FMNL2: variants seen among roughly 807,000 people sequenced by gnomAD.
The protein encoded by FMNL2 is formin like 2.
Under a neutral mutation model 130.2 loss-of-function variants are expected in FMNL2, and 51 were observed. The ratio of observed to expected loss-of-function variants is 0.39; its 90% CI spans 0.31 to 0.49. The LOEUF (loss-of-function observed/expected upper bound fraction) is 0.49. FMNL2 is among the 20% of genes least tolerant of loss of function. The pLI is 0.85. For synonymous variants in FMNL2, 465 were observed against 467.1 expected (o/e 1.00, Z 0.06); for missense variants, 977 against 1,316.2 (o/e 0.74, Z 3.99).
chr2:152,428,794 T>G (rs769970568), intron 1 of FMNL2, among the ~76,000 whole-genome samples: 1 of 152,182 alleles, frequency 6.6e-6, no homozygotes, highest in Non-Finnish European at 1.5e-5. Context: ...TGGATAGAGA[T>G]AGTTCGAGTG....
At chr2:152,557,815 G>C (rs957124481) in intron 4 of FMNL2, among the ~76,000 whole-genome samples, 7 of 152,204 alleles carry the variant, frequency 4.6e-5, no homozygotes, top group African/African-American at 1.7e-4. Context: ...GTGGAATGCA[G>C]GTGGCAGATG....
At chr2:152,524,574 G>A (rs1693279397) in intron 2 of FMNL2, among the ~76,000 whole-genome samples, 1 of 152,180 alleles carries the variant, frequency 6.6e-6, no homozygotes, top group African/African-American at 2.4e-5. Context: ...GGCAAATTTT[G>A]TAGTGTGAGC....
chr2:152,339,510 G>C (rs2105721833), intron 1 of FMNL2, among the ~76,000 whole-genome samples: 2 of 152,314 alleles, frequency 1.3e-5, no homozygotes, highest in Middle Eastern at 3.4e-3. Flanking sequence ...ACCCTTGGAT[G>C]CCTTTGTTGA....
intron 6 of FMNL2, among the ~76,000 whole-genome samples, chr2:152,568,015 A>G (rs1300317983): frequency 6.6e-6 from 1 of 152,216 alleles, no homozygotes; most frequent in Non-Finnish European, 1.5e-5. Flanking sequence ...GGTTAGTTCA[A>G]TTCAGGAAAC....
At chr2:152,422,260 G>A (rs1377891268) in intron 1 of FMNL2, among the ~76,000 whole-genome samples, 1 of 152,150 alleles carries the variant, frequency 6.6e-6, no homozygotes, top group Non-Finnish European at 1.5e-5. Context: ...GGATTCCCTC[G>A]TTCTGTGTTT....
At chr2:152,424,159 A>G (rs979076343) in intron 1 of FMNL2, among the ~76,000 whole-genome samples, 6 of 151,844 alleles carry the variant, frequency 4.0e-5, no homozygotes, top group African/African-American at 1.5e-4. Context: ...GAAAATGACC[A>G]CTCTAGTTTT....
rs1001627155 is a variant in FMNL2, at chr2:152,443,835, A to G, written c.118-78108A>G. On this transcript the variant is annotated intron_variant, in intron 1 of 25. Transcript: ENST00000288670. The stretch of plus-strand genomic sequence containing the variant: ...TCCAGCCTCGGCAACAGAGCGAGAG[A>G]CTCCATCCAAAAAGAAAAAAAGAAA... Among the ~76,000 whole-genome samples, 9 of 151,928 alleles carry G rather than the reference A, an allele frequency of 5.9e-5. No individual in the cohort carries two copies. In the East Asian group the frequency reaches 1.7e-3, roughly 29 times the overall value.
intron 1 of FMNL2, among the ~76,000 whole-genome samples, chr2:152,374,541 A>G (rs992761806): frequency 6.6e-5 from 10 of 152,188 alleles, no homozygotes; most frequent in African/African-American, 2.2e-4. Context: ...AAAAAGAGGT[A>G]TACATCAAAT....
At chr2:152,606,894 G>A (rs573570648) in intron 9 of FMNL2, among the ~76,000 whole-genome samples, 1 of 150,444 alleles carries the variant, frequency 6.6e-6, no homozygotes, top group Non-Finnish European at 1.5e-5. Context: ...TTTTGATTCA[G>A]TTATACATAT....
chr2:152,455,451 G>A (rs1688896618), intron 1 of FMNL2, among the ~76,000 whole-genome samples: 1 of 152,144 alleles, frequency 6.6e-6, no homozygotes, highest in Admixed American at 6.5e-5. Flanking sequence ...CAGGAGGGAG[G>A]AAAGCTCTTG....
chr2:152,504,948 T>C (rs1367271777), intron 1 of FMNL2, among the ~76,000 whole-genome samples: 2 of 152,186 alleles, frequency 1.3e-5, no homozygotes, highest in African/African-American at 4.8e-5. Context: ...AAAGCAAAGG[T>C]GAAACCAGCA....
chr2:152,625,675 T>G, intron 16 of FMNL2, 113 bp downstream of exon 16: 1 of 1,249,164 alleles, frequency 8.0e-7, no homozygotes, highest in South Asian at 1.7e-5. Context: ...TTAAGTCCCC[T>G]GATGTAAAGA....
chr2:152,479,074 C>T (rs574650688), intron 1 of FMNL2, among the ~76,000 whole-genome samples: 2 of 151,926 alleles, frequency 1.3e-5, no homozygotes, highest in Admixed American at 1.3e-4. Flanking sequence ...TTTTAGAAAA[C>T]CTTCATTTTC....
chr2:152,369,832 T>C (rs567862160), intron 1 of FMNL2, among the ~76,000 whole-genome samples: 4 of 152,230 alleles, frequency 2.6e-5, no homozygotes, highest in African/African-American at 9.7e-5. Context: ...GGGGAAGGCA[T>C]TTATAGCATA....
chr2:152,560,018 C>T (rs1332826546), intron 5 of FMNL2, among the ~76,000 whole-genome samples: 1 of 152,188 alleles, frequency 6.6e-6, no homozygotes, highest in Non-Finnish European at 1.5e-5. Flanking sequence ...TAAAAAGTTA[C>T]ACTTTGATTT....
At chr2:152,624,242 C>T (rs973124048) in intron 15 of FMNL2, among the ~76,000 whole-genome samples, 1 of 151,468 alleles carries the variant, frequency 6.6e-6, no homozygotes, top group African/African-American at 2.4e-5. Context: ...ACTGCAACCT[C>T]TGCCTCCCGG....
At chr2:152,440,164 A>G (rs1260012616) in intron 1 of FMNL2, among the ~76,000 whole-genome samples, 1 of 152,164 alleles carries the variant, frequency 6.6e-6, no homozygotes, top group African/African-American at 2.4e-5. Context: ...TATGTTGCCC[A>G]GGCTGGTCTG....
At chr2:152,624,032 ATTCCT>A (rs1460273570) in intron 15 of FMNL2, among the ~76,000 whole-genome samples, 2 of 104,932 alleles carry the variant, frequency 1.9e-5, no homozygotes, top group Non-Finnish European at 3.7e-5. Flanking sequence ...AATCCATACA[ATTCCT>A]TCCCTTCCCT....
intron 1 of FMNL2, among the ~76,000 whole-genome samples, chr2:152,493,994 G>A (rs1691360242): frequency 2.0e-5 from 3 of 152,182 alleles, no homozygotes; most frequent in Admixed American, 6.5e-5. Flanking sequence ...TATTTGCTTG[G>A]TGTGTACACA....
Sources: allele counts gnomAD v4.1 joint callset (sites outside exome capture counted in the v4.1 genomes callset), GRCh38; gene constraint gnomAD v4.1.1; transcripts MANE v1.5; gene names NCBI Gene and HGNC (gene_info 2026-07-23, HGNC 2026-07-21).